MED13: variants seen among roughly 807,000 people sequenced by gnomAD.
The protein encoded by MED13 is mediator complex subunit 13, also known as mediator of RNA polymerase II transcription subunit 13.
A neutral mutation model predicts 225.2 loss-of-function variants in MED13; 23 were observed. The observed-to-expected ratio is 0.10, with a 90% CI of 0.07 to 0.14. The LOEUF is 0.14. Among genes scored for constraint, MED13 ranks in the 10% least tolerant of loss-of-function variants. The probability of loss-of-function intolerance (pLI) is 1.00; values close to 1 mark genes in which losing one functional copy is unlikely to be tolerated. For synonymous variants in MED13, 942 were observed against 889.2 expected (o/e 1.06, Z -1.06); for missense variants, 2,197 against 2,594.5 (o/e 0.85, Z 3.33).
chr17:62,035,700 TA>T, intron 3 of MED13, 92 bp from the exon 4 acceptor site: 4 of 1,309,578 alleles, frequency 3.1e-6, no homozygotes, highest in Non-Finnish European at 4.1e-6. Context: ...CAAAAATGCA[TA>T]CCCTATTTTG....
At chr17:62,021,387 T>C (rs2080644326) in intron 8 of MED13, among the ~76,000 whole-genome samples, 1 of 146,472 alleles carries the variant, frequency 6.8e-6, no homozygotes, top group Admixed American at 6.8e-5. Context: ...CCCACCTCCC[T>C]CCCGGACGGG....
At chr17:62,000,366 C>T (rs548877727) in intron 9 of MED13, among the ~76,000 whole-genome samples, 2 of 152,132 alleles carry the variant, frequency 1.3e-5, no homozygotes, top group South Asian at 2.1e-4. Context: ...ATCAGCAATC[C>T]CCTCTATTAA....
chr17:61,980,390 A>G lies in MED13; in HGVS notation c.3805+1808T>C, dbSNP rs530540703. ...TCATCCAGATCCACAGCTTTTCATA[A>G]TAACTCACACACAAAATTTTTCTAT... On this transcript the variant is annotated intron_variant, in intron 16 of 29. Transcript: ENST00000397786. Among the ~76,000 whole-genome samples the G allele has an allele frequency of 4.6e-5, 7 of 152,228 alleles. No homozygotes were observed. In the South Asian group the frequency reaches 1.2e-3, roughly 27 times the overall value.
chr17:62,002,825 G>A (rs2080408639), intron 9 of MED13, among the ~76,000 whole-genome samples: 1 of 152,200 alleles, frequency 6.6e-6, no homozygotes, highest in African/African-American at 2.4e-5. Flanking sequence ...TAAACACGCT[G>A]ATCTTTCTAA....
At chr17:62,036,097 T>A (rs1011761637) in intron 3 of MED13, among the ~76,000 whole-genome samples, 1 of 151,590 alleles carries the variant, frequency 6.6e-6, no homozygotes, top group African/African-American at 2.4e-5. Context: ...GCTCTTTTTT[T>A]TTTTTTTAAA....
intron 4 of MED13, 50 bp from the exon 5 acceptor site, chr17:62,034,034 A>C: frequency 6.7e-7 from 1 of 1,492,698 alleles, no homozygotes; most frequent in African/African-American, 1.4e-5. Flanking sequence ...CTGTTTTACC[A>C]AATAAGAACA....
At chr17:61,998,914 T>C (rs2080369111) in intron 9 of MED13, among the ~76,000 whole-genome samples, 1 of 143,432 alleles carries the variant, frequency 7.0e-6, no homozygotes, top group African/African-American at 2.6e-5. Flanking sequence ...TCTCCCACTT[T>C]TTAAATGGTA....
chr17:62,060,787 C>T (rs2081033240), intron 2 of MED13, among the ~76,000 whole-genome samples: 1 of 151,782 alleles, frequency 6.6e-6, no homozygotes, highest in Non-Finnish European at 1.5e-5. Context: ...GCAACCTCCG[C>T]CTCCTGGGAT....
Position 61,994,091 on chromosome 17 carries a change from T to C in MED13, c.2181+1061A>G, listed in dbSNP as rs2080327373. ...TCAGCTCACTGCAACTTCTGCCTCC[T>C]GGGTTCAAGCGATTCTCCTGTGTCA... On this transcript the variant is annotated intron_variant, in intron 10 of 29. Coordinates refer to ENST00000397786, the MANE Select transcript of MED13 (RefSeq NM_005121.3). 3.3e-5 allele frequency among the ~76,000 whole-genome samples: 5 copies of C among 152,124 alleles called. No individual in the cohort carries two copies. In the South Asian group the frequency reaches 1.0e-3, roughly 32 times the overall value.
rs910114534 is a variant in MED13, at chr17:61,958,116, G to C, written c.5481-1635C>G. 6.6e-5 allele frequency among the ~76,000 whole-genome samples: 10 copies of C among 151,974 alleles called. No homozygotes were observed. In the East Asian group the frequency reaches 2.0e-3, roughly 30 times the overall value. On this transcript the variant is annotated intron_variant, in intron 23 of 29. Coordinates refer to ENST00000397786, the MANE Select transcript of MED13 (RefSeq NM_005121.3). ...CCTGACCTTGTGATCCGCCCGCCTC[G>C]GCCTCCCAAAGTGCTGGGATTACAG...
chr17:62,023,370 C>T (rs1378034865), intron 8 of MED13, among the ~76,000 whole-genome samples: 1 of 152,182 alleles, frequency 6.6e-6, no homozygotes. Flanking sequence ...CAGGGAGCTT[C>T]TATGACTTCT....
intron 3 of MED13, among the ~76,000 whole-genome samples, chr17:62,044,726 G>A (rs374534302): frequency 2.3e-4 from 35 of 152,218 alleles, no homozygotes; most frequent in African/African-American, 5.8e-4. Context: ...GCAGTGGCAC[G>A]ATCTCTGCTC....
chr17:61,992,153 A>G (rs1238380111), intron 11 of MED13, among the ~76,000 whole-genome samples: 2 of 152,214 alleles, frequency 1.3e-5, no homozygotes, highest in Non-Finnish European at 2.9e-5. Flanking sequence ...CCTGGAGAGT[A>G]TAACCATAGC....
At chr17:61,952,935 G>C in intron 27 of MED13, 30 bp downstream of exon 27, 1 of 1,603,062 alleles carries the variant, frequency 6.2e-7, no homozygotes, top group South Asian at 1.1e-5. Flanking sequence ...GCGCCCGGCC[G>C]AGAAAAACTA....
chr17:62,016,573 G>T (rs1197275170), intron 8 of MED13, among the ~76,000 whole-genome samples: 1 of 152,124 alleles, frequency 6.6e-6, no homozygotes, highest in Non-Finnish European at 1.5e-5. Context: ...TTGACAAGTG[G>T]CTAGTCCAAA....
In MED13 at chr17:61,961,093, A is replaced by G; in HGVS notation, c.5257-3T>C. The G allele has an allele frequency of 6.2e-7, 1 of 1,602,888 alleles. No individual in the cohort carries two copies. The highest frequency in any genetic ancestry group is 8.5e-7 in the Non-Finnish European group (1 of 1,172,142). On this transcript the variant is annotated splice_region_variant and splice_polypyrimidine_tract_variant and intron_variant, in intron 22 of 29. Coordinates refer to ENST00000397786, the MANE Select transcript of MED13 (RefSeq NM_005121.3). ...TAAAGTCGAATACACTCTGGTCTCT[A>G]TAAAATAAAAAATTAAGGTATTATC...
Position 62,065,143 on chromosome 17 carries a change from G to T in MED13, c.63C>A (p.Cys21Ter). Residue 21 changes from cysteine to a stop codon, truncating the protein, a stop_gained, in exon 1 of 30, where the codon TGC (cysteine) becomes TGA (stop). Coordinates refer to ENST00000397786, the MANE Select transcript of MED13 (RefSeq NM_005121.3). LOFTEE classifies it high-confidence loss of function. The stretch of plus-strand genomic sequence containing the variant: ...GCCCGCCGGCCCCGGCACTCACCAG[G>T]CAGAAGAGGTTACAGTGACAATCTT... ...SLEDCHCNLF[C>*]LADLTGIKWK... is the part of the protein sequence containing the mutation. The T allele has an allele frequency of 6.4e-7, 1 of 1,572,160 alleles. No homozygotes were observed.
At chr17:62,007,947 A>AG (rs1361563525) in intron 9 of MED13, among the ~76,000 whole-genome samples, 1 of 144,660 alleles carries the variant, frequency 6.9e-6, no homozygotes, top group African/African-American at 2.6e-5. Flanking sequence ...TGAACCCGGA[A>AG]GGCAGAGCTT....
chr17:61,995,052 TA>T, intron 10 of MED13, 99 bp downstream of exon 10: 1 of 899,860 alleles, frequency 1.1e-6, no homozygotes, highest in Non-Finnish European at 1.7e-6. Context: ...CTTTCTATTC[TA>T]AGACAAAAGA....
Sources: allele counts gnomAD v4.1 joint callset (sites outside exome capture counted in the v4.1 genomes callset), GRCh38; gene constraint gnomAD v4.1.1; transcripts MANE v1.5; gene names NCBI Gene and HGNC (gene_info 2026-07-23, HGNC 2026-07-21).